Variants in ATE1 observed in about 807,000 individuals in gnomAD.
ATE1 encodes arginyltransferase 1.
In ATE1, 36 loss-of-function variants were observed where a neutral mutation model predicts 70.5. The ratio of observed to expected loss-of-function variants is 0.51; its 90% CI spans 0.39 to 0.67. The LOEUF is 0.67. Among genes scored for constraint, ATE1 ranks in the 30% least tolerant of loss-of-function variants. ATE1 has a pLI of 0.00. For missense variants in ATE1, 593 were observed against 629.5 expected (o/e 0.94, Z 0.62); for synonymous variants, 232 against 219.3 (o/e 1.06, Z -0.51).
At chr10:121,899,092 G>T in intron 7 of ATE1, 1 of 1,165,190 alleles carries the variant, frequency 8.6e-7, no homozygotes, top group Non-Finnish European at 1.2e-6. Flanking sequence ...AATTTGTCAT[G>T]AAAAGAAACC....
At chr10:121,859,261 T>A (rs150288647) in intron 8 of ATE1, among the ~76,000 whole-genome samples, 40,045 of 142,016 alleles carry the variant, frequency 0.28, 5,426 homozygotes, top group South Asian at 0.4. Flanking sequence ...TTTTATTTTA[T>A]TTTTTTTTTT....
rs761896023 is a variant in ATE1 at position 121,869,990 on chromosome 10, A to T, written c.975+16T>A. 1.9e-6 allele frequency: 3 copies of T among 1,594,440 alleles called. No homozygotes were observed. In the Admixed American group the frequency reaches 5.0e-5, roughly 27 times the overall value. On this transcript the variant is annotated intron_variant, in intron 8 of 11. Transcript: ENST00000224652. ...AATTACCAATTCTAATATTAAGGTC[A>T]GTGAGTAACTCTTACCTCCAAGGGT...
chr10:121,886,132 A>T (rs1380164715), intron 7 of ATE1, among the ~76,000 whole-genome samples: 3 of 152,174 alleles, frequency 2.0e-5, no homozygotes, highest in African/African-American at 7.2e-5. Flanking sequence ...TTTTCACATA[A>T]GTGATACTCA....
chr10:121,857,019 T>C (rs1454352270), intron 8 of ATE1, among the ~76,000 whole-genome samples: 1 of 152,252 alleles, frequency 6.6e-6, no homozygotes, highest in African/African-American at 2.4e-5. Context: ...CTGATAAACA[T>C]TGTTTAAACT....
At chr10:121,854,975 A>G (rs1949192843) in intron 8 of ATE1, among the ~76,000 whole-genome samples, 1 of 152,206 alleles carries the variant, frequency 6.6e-6, no homozygotes, top group African/African-American at 2.4e-5. Flanking sequence ...ACAGTTGCAC[A>G]ACCAAGAGAA....
chr10:121,839,246 C>T (rs1268523762), intron 9 of ATE1, among the ~76,000 whole-genome samples: 1 of 152,150 alleles, frequency 6.6e-6, no homozygotes, highest in Non-Finnish European at 1.5e-5. Context: ...ATCAATAGAA[C>T]TCTTGCTAAT....
At chr10:121,900,044 TTCTGTGGAATA>T (rs2134292976) in intron 6 of ATE1, 50 bp from the exon 7 acceptor site, 2 of 1,598,690 alleles carry the variant, frequency 1.3e-6, no homozygotes, top group East Asian at 4.5e-5. Context: ...CATTTATTCA[TTCTGTGGAATA>T]TGCATTAAGA....
At chr10:121,789,712 A>G (rs1296483714) in intron 11 of ATE1, among the ~76,000 whole-genome samples, 2 of 152,170 alleles carry the variant, frequency 1.3e-5, no homozygotes, top group African/African-American at 2.4e-5. Flanking sequence ...CAGAGATACA[A>G]GTAGAAAGTA....
Position 121,845,671 on chromosome 10 carries a change from A to G in ATE1, c.976-4408T>C, listed in dbSNP as rs577885213. Among the ~76,000 whole-genome samples the G allele has an allele frequency of 8.5e-5, 13 of 152,310 alleles. 1 individual carries two copies. Among genetic ancestry groups the G allele is most frequent in the African/African-American group, 3.1e-4 (13 of 41,570 alleles). On this transcript the variant is annotated intron_variant, in intron 8 of 11. Transcript: ENST00000224652. ...ACAATTCTGATACTTCTACACACGA[A>G]TACTGGAGGTGACCAATTCAGTAAA...
rs1303798320 is a variant in ATE1 at position 121,899,908 on chromosome 10, C to A, written c.900G>T (p.Met300Ile). 6 of 1,613,476 alleles carry A rather than the reference C, an allele frequency of 3.7e-6. No individual in the cohort carries two copies. The highest frequency in any genetic ancestry group is 5.1e-6 in the Non-Finnish European group (6 of 1,179,606). ...ESYQVYKRYQ[M>I]VIHKNPPDTP... Reference sequence around the variant, plus strand: ...TATCAGGTGGGTTCTTGTGAATAACCATCTGGTAACGTTTATAGACCTGGT... The same window carrying A: ...TATCAGGTGGGTTCTTGTGAATAACAATCTGGTAACGTTTATAGACCTGGT... The change falls in exon 7 of 12, where the codon ATG becomes ATT. Residue 300 changes from methionine (M) to isoleucine (I), a missense_variant. Transcript: ENST00000224652.
chr10:121,783,240 A>G (rs188798495), intron 11 of ATE1, among the ~76,000 whole-genome samples: 28 of 152,262 alleles, frequency 1.8e-4, no homozygotes, highest in Non-Finnish European at 2.9e-4. Flanking sequence ...TCACTAGTCA[A>G]TAGTGGTAAT....
chr10:121,771,648 T>C (rs1012333329), intron 11 of ATE1, among the ~76,000 whole-genome samples: 7 of 152,216 alleles, frequency 4.6e-5, no homozygotes, highest in Admixed American at 3.9e-4. Flanking sequence ...CTAATGGTTA[T>C]GGTAAATGTT....
intron 11 of ATE1, among the ~76,000 whole-genome samples, chr10:121,772,807 C>T (rs1590256930): frequency 6.6e-6 from 1 of 152,170 alleles, no homozygotes; most frequent in African/African-American, 2.4e-5. Flanking sequence ...ATTGCTTTGC[C>T]GCTATTTAAA....
intron 7 of ATE1, among the ~76,000 whole-genome samples, chr10:121,871,727 A>G (rs1291695861): frequency 2.0e-5 from 3 of 152,118 alleles, no homozygotes; most frequent in African/African-American, 7.2e-5. Context: ...TTCAGTAGGA[A>G]GCAAAAAAAA....
chr10:121,799,600 TGTCTAC>T (rs1946797447), intron 10 of ATE1, among the ~76,000 whole-genome samples: 1 of 152,206 alleles, frequency 6.6e-6, no homozygotes, highest in Non-Finnish European at 1.5e-5. Flanking sequence ...TGTGGTCCTG[TGTCTAC>T]AGTTTCAGGA....
intron 8 of ATE1, among the ~76,000 whole-genome samples, chr10:121,866,318 G>T (rs1198500683): frequency 6.6e-6 from 1 of 152,158 alleles, no homozygotes; most frequent in East Asian, 1.9e-4. Context: ...ATCAAGAAAG[G>T]AGACTTACAT....
Position 121,871,620 on chromosome 10 carries a change from T to C in ATE1, c.943-1582A>G, listed in dbSNP as rs191396166. The stretch of plus-strand genomic sequence containing the variant: ...TATCACATACTCCCACCAAAAACAC[T>C]AAATATATTCTTAGAATATCACTAA... On this transcript the variant is annotated intron_variant, in intron 7 of 11. Transcript: ENST00000224652. 6.4e-4 allele frequency among the ~76,000 whole-genome samples: 97 copies of C among 152,160 alleles called. 1 individual carries two copies. The Middle Eastern group carries it at 0.01, about 16-fold the overall frequency.
At chr10:121,805,610 A>G (rs902057915) in intron 10 of ATE1, among the ~76,000 whole-genome samples, 1 of 152,242 alleles carries the variant, frequency 6.6e-6, no homozygotes, top group African/African-American at 2.4e-5. Flanking sequence ...AATACTTTAA[A>G]ATGTTTAAAT....
At chr10:121,820,881 T>C (rs550137733) in intron 10 of ATE1, among the ~76,000 whole-genome samples, 11 of 152,362 alleles carry the variant, frequency 7.2e-5, no homozygotes, top group African/African-American at 2.6e-4. Flanking sequence ...ACTAAAATCG[T>C]TTCTTTTATT....
Sources: gnomAD v4.1 joint callset for allele counts (sites outside exome capture counted in the v4.1 genomes callset) on GRCh38, gnomAD v4.1.1 for gene constraint, MANE v1.5 for transcripts, NCBI Gene and HGNC (gene_info 2026-07-23, HGNC 2026-07-21) for gene names.